The following KMT2D variants were observed in gnomAD, a reference collection of about 807,000 sequenced individuals.
KMT2D encodes the protein lysine methyltransferase 2D.
Under a neutral mutation model 512.7 loss-of-function variants are expected in KMT2D, and 55 were observed. The observed-to-expected ratio is 0.11, with a 90% CI of 0.09 to 0.13. The LOEUF is 0.13. KMT2D is among the 10% of genes least tolerant of loss of function. The probability of loss-of-function intolerance (pLI) is 1.00; values close to 1 mark genes in which losing one functional copy is unlikely to be tolerated. For missense variants in KMT2D, 6,061 were observed against 7,127.9 expected, an observed-to-expected ratio of 0.85 and a Z score of 5.39; for synonymous variants, 2,995 against 2,904.0, an observed-to-expected ratio of 1.03 and a Z score of -1.01.
rs1938318494 is a variant in KMT2D at position 49,054,955 on chromosome 12, C to A, written c.121G>T (p.Val41Phe). Reference protein sequence around the residue: ...SDLPNPHVGEVSVLSSGSPRL... With the variant: ...SDLPNPHVGEFSVLSSGSPRL... ...GGACTCCCAGAACTAAGGACAGAGACCTCTCCCACATGTGGGTTGGGCAGG... is the reference window on the plus strand; with the variant it reads ...GGACTCCCAGAACTAAGGACAGAGAACTCTCCCACATGTGGGTTGGGCAGG... Residue 41 changes from valine to phenylalanine, a missense_variant, in exon 3 of 55, where the codon GTC becomes TTC. Val to Phe is a conservative substitution (Grantham distance 50, BLOSUM62 -1). This residue lies in a region of KMT2D where 144 missense variants were observed against 165.7 expected (regional missense o/e 0.87). Transcript: ENST00000301067. This position sits in a 1 kb window ranked among gnomAD's most constrained non-coding sequence, Gnocchi z 6.4. 1 of 1,613,908 alleles carries A rather than the reference C, an allele frequency of 6.2e-7. No homozygotes were observed. Among genetic ancestry groups the A allele is most frequent in the Non-Finnish European group, 8.5e-7 (1 of 1,179,906 alleles).
chr12:49,042,483 G>T lies in KMT2D; in HGVS notation c.5867+78C>A. On this transcript the variant is annotated intron_variant, in intron 28 of 54. Coordinates refer to ENST00000301067, the MANE Select transcript of KMT2D (RefSeq NM_003482.4). The surrounding 1 kb of genome is among the most constrained non-coding windows in gnomAD (Gnocchi z 4.4). ...AGCAGGGGAAGTGCTGCAGGAGTCC[G>T]AGGGAGGCAAAGCATGAACTCAGAT... 1 of 1,547,978 alleles carries T rather than the reference G, an allele frequency of 6.5e-7. No homozygotes were observed. Among genetic ancestry groups the T allele is most frequent in the East Asian group, 2.4e-5 (1 of 42,544 alleles).
chr12:49,035,055 G>C (rs1943149004), intron 35 of KMT2D, 120 bp from the exon 36 acceptor site: 5 of 1,246,916 alleles, frequency 4.0e-6, no homozygotes, highest in Non-Finnish European at 4.5e-6. Context: ...CGGCAAGGCA[G>C]AAAGACCACT....
intron 7 of KMT2D, 23 bp downstream of exon 7, chr12:49,053,453 T>C: frequency 6.2e-7 from 1 of 1,610,798 alleles, no homozygotes; most frequent in Non-Finnish European, 8.5e-7. Context: ...CCTAAGACTT[T>C]CCTCCTGCCC....
chr12:49,026,110 G>C lies in KMT2D; in HGVS notation c.15784+72C>G, dbSNP rs935713321. On this transcript the variant is annotated intron_variant, in intron 49 of 54. Coordinates refer to ENST00000301067, the MANE Select transcript of KMT2D (RefSeq NM_003482.4). This position sits in a 1 kb window ranked among gnomAD's most constrained non-coding sequence, Gnocchi z 9.6. ...CATAGAAGCTACAGGTCCTCTTATA[G>C]ACATTGTAACAGTGACCCTGGGAGA... 3.6e-6 allele frequency: 5 copies of C among 1,405,208 alleles called. No homozygotes were observed. The highest frequency in any genetic ancestry group is 2.9e-5 in the African/African-American group (2 of 69,512). The allele number at this position is 1,405,208 out of a possible 1,614,324, so 87.0% of individuals were successfully genotyped here.
Position 49,040,423 on chromosome 12 carries a change from A to C in KMT2D, c.7347T>G (p.Pro2449=). The part of the protein sequence containing the change: ...PVTPRFQSPD[P]YSRPPSRPQS... ...GAGGGCGTGAGGGTGGGCGAGAATA[A>C]GGGTCAGGGGACTGGAAGCGAGGGG... The change falls in exon 32 of 55, where the codon CCT becomes CCG. Residue 2449 remains proline (P), a synonymous_variant. Transcript: ENST00000301067. 6.4e-7 allele frequency: 1 copy of C among 1,561,354 alleles called. No individual in the cohort carries two copies. Among genetic ancestry groups the C allele is most frequent in the Non-Finnish European group, 8.7e-7 (1 of 1,153,290 alleles).
In KMT2D at chr12:49,030,661, C is replaced by T. The variant is rs1459564552; in HGVS notation, c.13779G>A (p.Gly4593=). Residue 4593 remains glycine (G), a synonymous_variant, in exon 42 of 55, where the codon GGG becomes GGA. Transcript: ENST00000301067. ...CPVNGQSQLR[G]AFGSGALPTG... ...TGGGCAGCGCCCCACTTCCAAAGGC[C>T]CCCCTCAGCTGGCTCTGCCCATTGA... 4 of 1,611,166 alleles carry T rather than the reference C, an allele frequency of 2.5e-6. No individual in the cohort carries two copies. Among genetic ancestry groups the T allele is most frequent in the Middle Eastern group, 1.6e-4 (1 of 6,066 alleles).
chr12:49,026,075 G>A lies in KMT2D; in HGVS notation c.15784+107C>T. The A allele has an allele frequency of 9.0e-7, 1 of 1,114,900 alleles. No homozygotes were observed. The highest frequency in any genetic ancestry group is 1.3e-6 in the Non-Finnish European group (1 of 791,740). 69.1% of individuals were successfully genotyped at this position (1,114,900 alleles called of 1,614,324 possible). A position where few individuals can be genotyped will look rare whatever the true frequency, so the allele number is the denominator to read the frequency against. On this transcript the variant is annotated intron_variant, in intron 49 of 54. Coordinates refer to ENST00000301067, the MANE Select transcript of KMT2D (RefSeq NM_003482.4). The surrounding 1 kb of genome is among the most constrained non-coding windows in gnomAD (Gnocchi z 9.6). The stretch of plus-strand genomic sequence containing the variant: ...CTGCCTGCCTGAGGTGGGGGAAGGA[G>A]GATCATTCACATAGAAGCTACAGGT...
intron 35 of KMT2D, chr12:49,036,093 G>A (rs186379477): frequency 6.6e-6 from 1 of 152,242 alleles, no homozygotes; most frequent in East Asian, 1.9e-4. Context: ...AGTATAAAGT[G>A]CTCAGTAAAC....
chr12:49,049,463 G>T, intron 12 of KMT2D, among the ~76,000 whole-genome samples: 1 of 152,220 alleles, frequency 6.6e-6, no homozygotes, highest in East Asian at 1.9e-4. Context: ...TGGCTTGAAA[G>T]AACCAAGTTT....
rs1210116925 is a variant in KMT2D, at chr12:49,060,445, C to T, written c.-870G>A. ...CTGGTCGGTGGCACCCCCTCGACCC[C>T]CGGCTGACTGTGATCGCAGGCGGCC... On this transcript the variant is annotated 5_prime_UTR_variant, in exon 1 of 55. Coordinates refer to ENST00000301067, the MANE Select transcript of KMT2D (RefSeq NM_003482.4). Among the ~76,000 whole-genome samples, 2 of 152,176 alleles carry T rather than the reference C, an allele frequency of 1.3e-5. No individual in the cohort carries two copies. Among genetic ancestry groups the T allele is most frequent in the African/African-American group, 2.4e-5 (1 of 41,452 alleles).
Position 49,034,192 on chromosome 12 carries a change from G to A in KMT2D, c.10615C>T (p.Arg3539Trp), listed in dbSNP as rs1943099538. The change falls in exon 39 of 55, where the codon CGG becomes TGG. Residue 3539 changes from arginine to tryptophan, a missense_variant. Physicochemically the swap from Arg to Trp is moderately radical, Grantham distance 101 (BLOSUM62 -3). Transcript: ENST00000301067. ...CGCTGCTTGGCACACAGAGCCTTCC[G>A]GGACTTGCGGTGTACACCAATCTGC... ...EEQIGVHRKS[R>W]KALCAKQRTA... 1.2e-6 allele frequency: 2 copies of A among 1,613,454 alleles called. No individual in the cohort carries two copies. The highest frequency in any genetic ancestry group is 1.7e-6 in the Non-Finnish European group (2 of 1,179,878).
rs751760156 is a variant in KMT2D at position 49,041,072 on chromosome 12, G to T, written c.6698C>A (p.Thr2233Asn). The T allele has an allele frequency of 2.0e-6, 3 of 1,536,770 alleles. No individual in the cohort carries two copies. The African/African-American group carries it at 4.2e-5, about 21-fold the overall frequency. ...AGGTGTGGAGGGCTGGTGTCTGGGG[G>T]TGCCAGGTGGGGTAGTGTGGAATTC... The part of the protein sequence containing the change: ...PGEFHTTPPG[T>N]PRHQPSTPDP... Residue 2233 changes from threonine to asparagine, a missense_variant, in exon 32 of 55, where the codon ACC becomes AAC. By Grantham distance (65) the Thr-to-Asn change is moderately conservative. Coordinates refer to ENST00000301067, the MANE Select transcript of KMT2D (RefSeq NM_003482.4). This position sits in a 1 kb window ranked among gnomAD's most constrained non-coding sequence, Gnocchi z 5.4.
rs1324976249 is a variant in KMT2D, at chr12:49,045,884, G to A, written c.4741+36C>T. 3.3e-6 allele frequency: 5 copies of A among 1,518,404 alleles called. No homozygotes were observed. The South Asian group carries it at 4.5e-5, about 14-fold the overall frequency. The allele number at this position is 1,518,404 out of a possible 1,614,324, so 94.1% of individuals were successfully genotyped here. A position where few individuals can be genotyped will look rare whatever the true frequency, so the allele number is the denominator to read the frequency against. ...CTAGACTAGATGATGTCCGACGTCTGGTCTGGCTTTGGCATTCAAAATTTC... is the reference window on the plus strand; with the variant it reads ...CTAGACTAGATGATGTCCGACGTCTAGTCTGGCTTTGGCATTCAAAATTTC... On this transcript the variant is annotated intron_variant, in intron 19 of 54. Coordinates refer to ENST00000301067, the MANE Select transcript of KMT2D (RefSeq NM_003482.4).
At position 49,037,594 on chromosome 12, in the gene KMT2D, C is replaced by T. The variant is rs1415714332; in HGVS notation, c.9762G>A (p.Glu3254=). Residue 3254 remains glutamate (E), a synonymous_variant, in exon 35 of 55, where the codon GAG becomes GAA. Coordinates refer to ENST00000301067, the MANE Select transcript of KMT2D (RefSeq NM_003482.4). ...ELPLLIEDLL[E]HEKKELQKKQ... is the part of the protein sequence containing the mutation. ...TCTTCTGCAGCTCCTTCTTCTCATG[C>T]TCCAACAGGTCCTCAATGAGCAGGG... 1 of 1,556,374 alleles carries T rather than the reference C, an allele frequency of 6.4e-7. No homozygotes were observed. The highest frequency in any genetic ancestry group is 2.4e-5 in the East Asian group (1 of 41,282).
chr12:49,042,123 G>A lies in KMT2D; in HGVS notation c.6075C>T (p.Asn2025=), dbSNP rs1310312999. The change falls in exon 29 of 55, where the codon AAC becomes AAT. Residue 2025 remains asparagine (N), a synonymous_variant. Transcript: ENST00000301067. This position sits in a 1 kb window ranked among gnomAD's most constrained non-coding sequence, Gnocchi z 4.4. The stretch of plus-strand genomic sequence containing the variant: ...CTTGCTTGAGATTAGGAAAATTAAT[G>A]TTGGCATAGAGCACAGGTGAGATGG... ...LSTISPVLYA[N]INFPNLKQDY... is the part of the protein sequence containing the mutation. 2 of 1,613,752 alleles carry A rather than the reference G, an allele frequency of 1.2e-6. No homozygotes were observed. The highest frequency in any genetic ancestry group is 4.5e-5 in the East Asian group (2 of 44,878).
rs774115773 is a variant in KMT2D, at chr12:49,040,471, T to G, written c.7299A>C (p.Glu2433Asp). ...SPLTPRPLSA[E>D]AFCPSPVTPR... ...GGGTAACGGGTGATGGGCAAAAAGC[T>G]TCAGCAGACAGAGGCCGGGGTGTCA... The change falls in exon 32 of 55, where the codon GAA becomes GAC. Residue 2433 changes from glutamate to aspartate, a missense_variant. Glu to Asp is a conservative substitution (Grantham distance 45, BLOSUM62 2). This residue lies in a region of KMT2D where 710 missense variants were observed against 647.3 expected (regional missense o/e 1.10). Transcript: ENST00000301067. 4.5e-6 allele frequency: 7 copies of G among 1,566,582 alleles called. No homozygotes were observed. The African/African-American group carries it at 8.2e-5, about 18-fold the overall frequency.
rs2120681017 is a variant in KMT2D at position 49,052,090 on chromosome 12, T to A, written c.1593A>T (p.Ala531=). ...SPPEESPPSP[A]LETPLSPPPE... is the part of the protein sequence containing the mutation. ...GTGGTGGGGATAGAGGCGTCTCAAG[T>A]GCAGGAGATGGGGGTGACTCTTCCG... Residue 531 remains alanine, a synonymous_variant, in exon 11 of 55, where the codon GCA becomes GCT. Transcript: ENST00000301067. The A allele has an allele frequency of 6.2e-7, 1 of 1,608,788 alleles. No individual in the cohort carries two copies. Among genetic ancestry groups the A allele is most frequent in the Non-Finnish European group, 8.5e-7 (1 of 1,178,652 alleles).
Position 49,028,959 on chromosome 12 carries a change from CTGAA to C in KMT2D, c.14252-5_14252-2del, listed in dbSNP as rs1285733533. On this transcript the variant is annotated splice_acceptor_variant and splice_polypyrimidine_tract_variant and intron_variant, in intron 45 of 54. Transcript: ENST00000301067. LOFTEE classifies it high-confidence loss of function. ...CCATAAGGTTTGGTATCTGGGAAGA[CTGAA>C]TGAGAAAGAGGAATTTGTGTAACAC... 6.2e-7 allele frequency: 1 copy of C among 1,613,682 alleles called. No individual in the cohort carries two copies. The highest frequency in any genetic ancestry group is 1.7e-5 in the Admixed American group (1 of 59,976).
At chr12:49,034,544 C>T in intron 37 of KMT2D, 38 bp downstream of exon 37, 1 of 1,611,978 alleles carries the variant, frequency 6.2e-7, no homozygotes, top group South Asian at 1.1e-5. Context: ...GGCCCAGTGG[C>T]ATAAGACACA....
Sources: gnomAD v4.1 joint callset for allele counts (sites outside exome capture counted in the v4.1 genomes callset) on GRCh38, gnomAD v4.1.1 for gene constraint, gnomAD v4.1.1 regional missense constraint, Gnocchi (gnomAD v3.1) non-coding constraint, MANE v1.5 for transcripts, NCBI Gene and HGNC (gene_info 2026-07-23, HGNC 2026-07-21) for gene names.